The following CSMD1 variants were observed in gnomAD, a reference collection of about 807,000 sequenced individuals.
CSMD1 encodes the protein CUB and sushi domain-containing protein 1.
Under a neutral mutation model 417.5 loss-of-function variants are expected in CSMD1, and 213 were observed. The observed-to-expected ratio is 0.51, with a 90% CI of 0.46 to 0.57. The LOEUF is 0.57. Ranked by LOEUF, CSMD1 falls within the 20% of genes least tolerant of loss-of-function variation. The pLI is 0.00. For missense variants in CSMD1, 6,923 were observed against 4,529.7 expected, an observed-to-expected ratio of 1.53 and a Z score of -15.17; for synonymous variants, 2,862 against 1,736.8, an observed-to-expected ratio of 1.65 and a Z score of -16.11.
At chr8:4,894,817 A>T (rs1284269107) in intron 1 of CSMD1, among the ~76,000 whole-genome samples, 1 of 151,956 alleles carries the variant, frequency 6.6e-6, no homozygotes, top group African/African-American at 2.4e-5. Flanking sequence ...GGACAACTTG[A>T]TCTGTGCCAA....
At chr8:3,972,964 C>A (rs1378620181) in intron 5 of CSMD1, among the ~76,000 whole-genome samples, 1 of 151,586 alleles carries the variant, frequency 6.6e-6, no homozygotes, top group Non-Finnish European at 1.5e-5. Flanking sequence ...AAATTACTCA[C>A]AATACTTATG....
chr8:4,738,548 G>C (rs544579050), intron 1 of CSMD1, among the ~76,000 whole-genome samples: 158 of 152,146 alleles, frequency 1.0e-3, no homozygotes, highest in African/African-American at 3.7e-3. Flanking sequence ...CATAACAGGG[G>C]AACTACAATT....
intron 5 of CSMD1, among the ~76,000 whole-genome samples, chr8:3,765,334 A>G (rs1012112609): frequency 6.6e-6 from 1 of 152,164 alleles, no homozygotes; most frequent in East Asian, 1.9e-4. Context: ...AAGGTTTTTC[A>G]GAAGACATCC....
At chr8:4,367,885 T>A (rs1802176794) in intron 3 of CSMD1, among the ~76,000 whole-genome samples, 1 of 152,198 alleles carries the variant, frequency 6.6e-6, no homozygotes, top group Admixed American at 6.5e-5. Flanking sequence ...ATGCTACTAA[T>A]TTTCGTACAT....
intron 5 of CSMD1, among the ~76,000 whole-genome samples, chr8:3,845,905 A>G (rs1803471794): frequency 6.6e-6 from 1 of 152,042 alleles, no homozygotes; most frequent in African/African-American, 2.4e-5. Context: ...AGGCCTAAAC[A>G]GTGATCATCA....
intron 3 of CSMD1, among the ~76,000 whole-genome samples, chr8:4,108,334 G>A (rs919115568): frequency 6.6e-6 from 1 of 152,078 alleles, no homozygotes; most frequent in South Asian, 2.1e-4. Flanking sequence ...GGTGTTGTAT[G>A]ATGATTCTCC....
chr8:3,990,638 A>C (rs1175038564), intron 5 of CSMD1, among the ~76,000 whole-genome samples: 1 of 152,190 alleles, frequency 6.6e-6, no homozygotes, highest in African/African-American at 2.4e-5. Context: ...GTATTTACTT[A>C]ACCCGAATTA....
intron 49 of CSMD1, among the ~76,000 whole-genome samples, chr8:3,075,493 C>G (rs1342713233): frequency 6.6e-6 from 1 of 151,470 alleles, no homozygotes; most frequent in Non-Finnish European, 1.5e-5. Context: ...GTTGGTCAGG[C>G]TGGTCTCGAA....
intron 5 of CSMD1, among the ~76,000 whole-genome samples, chr8:3,888,152 G>A (rs928304213): frequency 3.9e-4 from 60 of 152,276 alleles, no homozygotes; most frequent in African/African-American, 1.4e-3. Flanking sequence ...TCATTTGTAT[G>A]CAATGTTCGT....
chr8:4,037,159 G>C (rs919263847), intron 3 of CSMD1, among the ~76,000 whole-genome samples: 1 of 152,178 alleles, frequency 6.6e-6, no homozygotes, highest in East Asian at 1.9e-4. Context: ...GCTCACATGT[G>C]TGTCAGTGTT....
At chr8:3,887,468 T>C (rs537424283) in intron 5 of CSMD1, among the ~76,000 whole-genome samples, 1 of 152,372 alleles carries the variant, frequency 6.6e-6, no homozygotes, top group African/African-American at 2.4e-5. Flanking sequence ...AATTTTGTTC[T>C]AGGCGTCCAG....
At chr8:4,024,341 G>A (rs1370748856) in intron 4 of CSMD1, among the ~76,000 whole-genome samples, 2 of 152,092 alleles carry the variant, frequency 1.3e-5, no homozygotes, top group African/African-American at 2.4e-5. Flanking sequence ...ACCAGAAATG[G>A]TTAAATCTTA....
chr8:3,528,555 A>C (rs975483899), intron 10 of CSMD1, among the ~76,000 whole-genome samples: 1 of 147,744 alleles, frequency 6.8e-6, no homozygotes, highest in African/African-American at 2.4e-5. Flanking sequence ...AAATTAATCA[A>C]ACAAAGTGTT....
intron 26 of CSMD1, among the ~76,000 whole-genome samples, chr8:3,254,520 C>T (rs567550566): frequency 8.5e-4 from 130 of 152,290 alleles, no homozygotes; most frequent in African/African-American, 2.8e-3. Context: ...ACCAATCAGA[C>T]GTAGATTTGG....
chr8:3,573,144 G>A (rs1030784662), intron 10 of CSMD1, among the ~76,000 whole-genome samples: 1 of 151,938 alleles, frequency 6.6e-6, no homozygotes, highest in African/African-American at 2.4e-5. Context: ...ACCAGTATTA[G>A]CAGCTTATAA....
intron 10 of CSMD1, among the ~76,000 whole-genome samples, chr8:3,528,643 T>A (rs1197655702): frequency 6.6e-6 from 1 of 152,242 alleles, no homozygotes; most frequent in Non-Finnish European, 1.5e-5. Context: ...ATTAAATGTC[T>A]TGAAATTCTT....
intron 3 of CSMD1, among the ~76,000 whole-genome samples, chr8:4,269,506 T>A (rs1804436599): frequency 6.6e-6 from 1 of 152,238 alleles, no homozygotes; most frequent in Non-Finnish European, 1.5e-5. Flanking sequence ...ATGGGAAGCA[T>A]GTTTTTATCT....
At chr8:3,923,040 T>C (rs1407588252) in intron 5 of CSMD1, among the ~76,000 whole-genome samples, 1 of 152,118 alleles carries the variant, frequency 6.6e-6, no homozygotes, top group Non-Finnish European at 1.5e-5. Flanking sequence ...AACAGACAAT[T>C]GCAAAAACAA....
At chr8:4,293,544 C>G (rs536301633) in intron 3 of CSMD1, among the ~76,000 whole-genome samples, 2 of 152,240 alleles carry the variant, frequency 1.3e-5, no homozygotes, top group South Asian at 2.1e-4. Context: ...ATAGACTTGT[C>G]ACCCCTGTGC....
Sources: gnomAD v4.1 joint callset for allele counts (sites outside exome capture counted in the v4.1 genomes callset) on GRCh38, gnomAD v4.1.1 for gene constraint, MANE v1.5 for transcripts, NCBI Gene and HGNC (gene_info 2026-07-23, HGNC 2026-07-21) for gene names.